RERE: variants seen among roughly 807,000 people sequenced by gnomAD.
The protein encoded by RERE is arginine-glutamic acid dipeptide repeats protein.
In RERE, 40 loss-of-function variants were observed where a neutral mutation model predicts 146.1. That is an observed-to-expected ratio of 0.27 (90% CI 0.21 to 0.36). RERE has a LOEUF of 0.36. Ranked by LOEUF, RERE falls within the 10% of genes least tolerant of loss-of-function variation. The pLI is 1.00. For missense variants in RERE, 1,933 were observed against 2,138.7 expected, an observed-to-expected ratio of 0.90 and a Z score of 1.90; for synonymous variants, 1,003 against 866.0, an observed-to-expected ratio of 1.16 and a Z score of -2.78.
intron 12 of RERE, among the ~76,000 whole-genome samples, chr1:8,390,466 G>A (rs898982107): frequency 3.3e-5 from 5 of 152,062 alleles, no homozygotes; most frequent in Admixed American, 1.3e-4. Context: ...CCCATAGTCC[G>A]AACTGTATCA....
In RERE at chr1:8,360,816, G is replaced by A. The variant is rs904550718; in HGVS notation, c.2691C>T (p.Ser897=). 1.9e-6 allele frequency: 3 copies of A among 1,562,642 alleles called. No homozygotes were observed. The highest frequency in any genetic ancestry group is 2.3e-5 in the East Asian group (1 of 43,294). The change falls in exon 18 of 23, where the codon TCC becomes TCT. Residue 897 remains serine, a synonymous_variant. Coordinates refer to ENST00000400908, the MANE Select transcript of RERE (RefSeq NM_001042681.2). ...CTGACTGAGAGGCTGGCAGCTGCAGGGAGGTGTGAGGGTACGCTGCTGCTG... is the reference window on the plus strand; with the variant it reads ...CTGACTGAGAGGCTGGCAGCTGCAGAGAGGTGTGAGGGTACGCTGCTGCTG... The part of the protein sequence containing the change: ...TSPAAAYPHT[S]LQLPASQSAL...
At chr1:8,572,334 C>A (rs1044641938) in intron 4 of RERE, among the ~76,000 whole-genome samples, 5 of 152,188 alleles carry the variant, frequency 3.3e-5, no homozygotes, top group African/African-American at 1.2e-4. Context: ...ACATTCTAAT[C>A]TAACTTCCTT....
At chr1:8,440,538 C>T (rs991195949) in intron 11 of RERE, among the ~76,000 whole-genome samples, 3 of 148,630 alleles carry the variant, frequency 2.0e-5, no homozygotes, top group Admixed American at 6.8e-5. Flanking sequence ...TCGCAGTAAG[C>T]CGAGATCATG....
chr1:8,501,651 CCGGGAGGGAGG>C (rs1645159886), intron 8 of RERE, among the ~76,000 whole-genome samples: 1 of 129,358 alleles, frequency 7.7e-6, no homozygotes, highest in Non-Finnish European at 1.7e-5. Flanking sequence ...GCCGCCCAGT[CCGGGAGGGAGG>C]TGGGGGGTCA....
intron 7 of RERE, among the ~76,000 whole-genome samples, chr1:8,514,296 T>C (rs1645381759): frequency 6.6e-6 from 1 of 152,246 alleles, no homozygotes; most frequent in Non-Finnish European, 1.5e-5. Flanking sequence ...AAAGAGTAAC[T>C]GATATTCCAT....
chr1:8,505,075 C>T lies in RERE; in HGVS notation c.879+3552G>A, dbSNP rs149704902. ...AATCAGCCAAATCTAGACTGCAGAA[C>T]ACCCTACAGGATGAAATAGCTTCTT... On this transcript the variant is annotated intron_variant, in intron 8 of 22. Coordinates refer to ENST00000400908, the MANE Select transcript of RERE (RefSeq NM_001042681.2). 5.0e-3 allele frequency among the ~76,000 whole-genome samples: 762 copies of T among 152,270 alleles called. 3 individuals carry two copies. The highest frequency in any genetic ancestry group is 0.044 in the Middle Eastern group (13 of 294).
intron 11 of RERE, among the ~76,000 whole-genome samples, chr1:8,435,053 A>G (rs1644150017): frequency 6.6e-6 from 1 of 152,262 alleles, no homozygotes; most frequent in Middle Eastern, 3.2e-3. Flanking sequence ...GTAACGTGTT[A>G]CATAGCGATA....
chr1:8,668,516 T>C (rs750810774), intron 1 of RERE, among the ~76,000 whole-genome samples: 6 of 152,154 alleles, frequency 3.9e-5, no homozygotes, highest in Non-Finnish European at 5.9e-5. Flanking sequence ...CTAAACTCAC[T>C]TTCCCAAAGC....
intron 11 of RERE, among the ~76,000 whole-genome samples, chr1:8,437,043 TATC>T (rs1644179173): frequency 6.6e-6 from 1 of 152,214 alleles, no homozygotes; most frequent in Admixed American, 6.5e-5. Flanking sequence ...TGGGCAACGA[TATC>T]ATAAATTCCT....
chr1:8,605,478 C>T (rs928523809), intron 4 of RERE, among the ~76,000 whole-genome samples: 1 of 152,012 alleles, frequency 6.6e-6, no homozygotes, highest in Non-Finnish European at 1.5e-5. Flanking sequence ...TGCGGTGGCT[C>T]ACCCCTGTAA....
intron 1 of RERE, among the ~76,000 whole-genome samples, chr1:8,774,577 C>T (rs1641023228): frequency 1.3e-5 from 2 of 151,956 alleles, no homozygotes; most frequent in Admixed American, 6.6e-5. Flanking sequence ...TGGTCTTGAA[C>T]TCCCAACCTC....
chr1:8,780,837 A>G (rs562603701), intron 1 of RERE, among the ~76,000 whole-genome samples: 4 of 152,200 alleles, frequency 2.6e-5, no homozygotes, highest in African/African-American at 9.7e-5. Context: ...TGAAAATCTC[A>G]AAGAATTCCC....
At position 8,362,764 on chromosome 1, in the gene RERE, G is replaced by A; in HGVS notation, c.1821C>T (p.Arg607=). Residue 607 remains arginine, a synonymous_variant, in exon 16 of 23, where the codon CGC becomes CGT. Transcript: ENST00000400908. ...GRTSPINEDI[R]SSGRNSPSAA... The stretch of plus-strand genomic sequence containing the variant: ...CGCTGGGGGAGTTCCGGCCGCTGGA[G>A]CGGATGTCTTCATTGATGGGTGAGG... 1.2e-6 allele frequency: 2 copies of A among 1,614,230 alleles called. No individual in the cohort carries two copies. The highest frequency in any genetic ancestry group is 1.7e-6 in the Non-Finnish European group (2 of 1,180,044).
chr1:8,369,367 T>A (rs186565680), intron 12 of RERE, among the ~76,000 whole-genome samples: 69 of 151,882 alleles, frequency 4.5e-4, no homozygotes, highest in African/African-American at 1.5e-3. Context: ...GAAAGAAATC[T>A]AACATTGAAA....
At chr1:8,635,924 T>A (rs530417400) in intron 2 of RERE, among the ~76,000 whole-genome samples, 2 of 151,950 alleles carry the variant, frequency 1.3e-5, no homozygotes. Context: ...GAAACAACTG[T>A]ATGTCTTCAA....
chr1:8,422,077 T>C (rs907658191), intron 12 of RERE, among the ~76,000 whole-genome samples: 1 of 152,246 alleles, frequency 6.6e-6, no homozygotes, highest in African/African-American at 2.4e-5. Flanking sequence ...ACTCTGTATT[T>C]TCCTCAGCAA....
At chr1:8,748,759 T>G (rs1420317744) in intron 1 of RERE, among the ~76,000 whole-genome samples, 6 of 152,326 alleles carry the variant, frequency 3.9e-5, no homozygotes, top group Admixed American at 6.5e-5. Context: ...AGGTGTGGAC[T>G]TTAAGCATTT....
chr1:8,359,701 C>T (rs768356383), intron 19 of RERE, 63 bp downstream of exon 19: 12 of 1,552,316 alleles, frequency 7.7e-6, no homozygotes, highest in South Asian at 3.4e-5. Context: ...GGTGGCCCAG[C>T]GTGGCTCCCA....
chr1:8,671,165 G>T (rs1638708089), intron 1 of RERE, among the ~76,000 whole-genome samples: 1 of 152,200 alleles, frequency 6.6e-6, no homozygotes, highest in Admixed American at 6.5e-5. Flanking sequence ...TAATAACCAT[G>T]GGGCTGGATG....
Sources: gnomAD v4.1 joint callset for allele counts (sites outside exome capture counted in the v4.1 genomes callset) on GRCh38, gnomAD v4.1.1 for gene constraint, MANE v1.5 for transcripts, NCBI Gene and HGNC (gene_info 2026-07-23, HGNC 2026-07-21) for gene names.